The following TJP1 variants were observed in gnomAD, a reference collection of about 807,000 sequenced individuals.
TJP1 encodes the protein tight junction protein 1, also known as tight junction protein ZO-1.
In TJP1, 43 loss-of-function variants were observed where a neutral mutation model predicts 194.2. The observed-to-expected ratio is 0.22, with a 90% CI of 0.17 to 0.29. The LOEUF is 0.29. Among genes scored for constraint, TJP1 ranks in the 10% least tolerant of loss-of-function variants. The pLI, the probability that TJP1 is intolerant of heterozygous loss-of-function variation, is 1.00. For synonymous variants in TJP1, 801 were observed against 779.0 expected (o/e 1.03, Z -0.47); for missense variants, 1,971 against 2,185.7 (o/e 0.90, Z 1.96).
chr15:29,964,418 A>AG (rs2056264322), intron 1 of TJP1, among the ~76,000 whole-genome samples: 1 of 151,578 alleles, frequency 6.6e-6, no homozygotes. Flanking sequence ...CTTTTAAAAA[A>AG]AGAGAGACAG....
chr15:29,858,445 T>C (rs1230315835), intron 2 of TJP1, among the ~76,000 whole-genome samples: 2 of 152,182 alleles, frequency 1.3e-5, no homozygotes, highest in African/African-American at 4.8e-5. Flanking sequence ...GTATAAATAT[T>C]AATCCAATGA....
At chr15:29,880,668 A>T (rs1011406613) in intron 2 of TJP1, among the ~76,000 whole-genome samples, 1 of 152,226 alleles carries the variant, frequency 6.6e-6, no homozygotes, top group Admixed American at 6.5e-5. Context: ...ATATTTATAG[A>T]TATCTCAAAT....
intron 1 of TJP1, among the ~76,000 whole-genome samples, chr15:29,815,644 T>C (rs894878955): frequency 8.5e-5 from 13 of 152,210 alleles, no homozygotes; most frequent in Admixed American, 2.6e-4. Flanking sequence ...GCTGGACTCA[T>C]GGTCTTTCAG....
chr15:29,872,609 T>C (rs1240996903), intron 2 of TJP1, among the ~76,000 whole-genome samples: 1 of 150,706 alleles, frequency 6.6e-6, no homozygotes, highest in East Asian at 2.0e-4. Flanking sequence ...TCCTCAATGG[T>C]GGTGAAGTTC....
chr15:29,798,300 T>C (rs1264903002), intron 2 of TJP1, among the ~76,000 whole-genome samples: 2 of 151,238 alleles, frequency 1.3e-5, no homozygotes, highest in South Asian at 2.1e-4. Context: ...TCTTTCTAAA[T>C]CTGACAATAC....
Position 29,899,240 on chromosome 15 carries a change from A to T in TJP1, c.306+56992T>A, listed in dbSNP as rs140914570. On this transcript the variant is annotated intron_variant, in intron 2 of 28. Coordinates refer to the TJP1 transcript ENST00000356107. ...TGTTAGGTAAAAGTGGACCCCCACTAGCATGAAGAAATAATCGTCTCTTCT... is the reference window on the plus strand; with the variant it reads ...TGTTAGGTAAAAGTGGACCCCCACTTGCATGAAGAAATAATCGTCTCTTCT... Among the ~76,000 whole-genome samples, 175 of 152,356 alleles carry T rather than the reference A, an allele frequency of 1.1e-3. 1 individual carries two copies. The East Asian group carries it at 0.027, about 24-fold the overall frequency.
chr15:29,729,097 T>C (rs1409328487), intron 15 of TJP1: 1 of 152,256 alleles, frequency 6.6e-6, no homozygotes. Context: ...AGTTTGGTTA[T>C]GGGTAAGGGT....
intron 2 of TJP1, among the ~76,000 whole-genome samples, chr15:29,775,832 G>C (rs975477260): frequency 2.6e-5 from 4 of 151,946 alleles, no homozygotes; most frequent in African/African-American, 9.7e-5. Flanking sequence ...GGCCAAAATT[G>C]ACCCTATTAT....
chr15:29,828,735 C>CTT (rs60018975), intron 2 of TJP1, among the ~76,000 whole-genome samples: 75 of 133,344 alleles, frequency 5.6e-4, no homozygotes, highest in East Asian at 1.3e-3. Context: ...TGAATTGAGT[C>CTT]TTTTTTTTTT....
chr15:29,779,343 A>C (rs1276936711), intron 2 of TJP1, among the ~76,000 whole-genome samples: 2 of 152,022 alleles, frequency 1.3e-5, no homozygotes, highest in Non-Finnish European at 2.9e-5. Context: ...GCAGATCCTA[A>C]CTAACTCACT....
At chr15:29,802,004 G>A (rs193160938) in intron 1 of TJP1, among the ~76,000 whole-genome samples, 11 of 152,276 alleles carry the variant, frequency 7.2e-5, no homozygotes, top group Admixed American at 3.9e-4. Context: ...TAAGGAATTA[G>A]CAGTAAGGAA....
chr15:29,780,295 A>G (rs997875740), intron 2 of TJP1, among the ~76,000 whole-genome samples: 2 of 152,042 alleles, frequency 1.3e-5, no homozygotes, highest in African/African-American at 4.8e-5. Flanking sequence ...AGATGGTCCC[A>G]TCTGGGGGTG....
intron 1 of TJP1, among the ~76,000 whole-genome samples, chr15:29,803,667 T>A (rs1442062181): frequency 1.3e-5 from 2 of 152,148 alleles, no homozygotes; most frequent in Non-Finnish European, 2.9e-5. Context: ...ATAAAAAATG[T>A]TTATTCTCCT....
chr15:29,770,188 T>C (rs1378819910), intron 4 of TJP1, among the ~76,000 whole-genome samples: 1 of 152,182 alleles, frequency 6.6e-6, no homozygotes, highest in Non-Finnish European at 1.5e-5. Context: ...GCCTCCTACC[T>C]GTAATCCCAG....
intron 1 of TJP1, among the ~76,000 whole-genome samples, chr15:29,966,873 G>A (rs112932578): frequency 0.037 from 5,676 of 152,152 alleles, 148 homozygotes; most frequent in Middle Eastern, 0.082. Flanking sequence ...TCTGAGAAGC[G>A]ATCTTCAAAT....
intron 2 of TJP1, among the ~76,000 whole-genome samples, chr15:29,845,511 A>C (rs1381356630): frequency 2.6e-5 from 4 of 152,196 alleles, no homozygotes; most frequent in African/African-American, 9.7e-5. Context: ...CAATTTACAA[A>C]ATAAATTGTA....
At chr15:29,758,250 C>T (rs943056557) in intron 8 of TJP1, among the ~76,000 whole-genome samples, 1 of 151,944 alleles carries the variant, frequency 6.6e-6, no homozygotes, top group African/African-American at 2.4e-5. Context: ...TTTGGTCCCC[C>T]CTAAACCCCA....
Position 29,708,932 on chromosome 15 carries a change from T to C in TJP1, c.4477A>G (p.Thr1493Ala). 6.2e-7 allele frequency: 1 copy of C among 1,614,216 alleles called. No individual in the cohort carries two copies. Among genetic ancestry groups the C allele is most frequent in the Non-Finnish European group, 8.5e-7 (1 of 1,180,036 alleles). Reference sequence around the variant, plus strand: ...TGGGGATAGAAAGCTGCCTGAGCAGTATCTTCTCGGTTTGGTGGTCTGAAA... The same window carrying C: ...TGGGGATAGAAAGCTGCCTGAGCAGCATCTTCTCGGTTTGGTGGTCTGAAA... Reference protein sequence around the residue: ...ATFRPPNREDTAQAAFYPQKS... With the variant: ...ATFRPPNREDAAQAAFYPQKS... The change falls in exon 25 of 28, where the codon ACT becomes GCT. Residue 1493 changes from threonine to alanine, a missense_variant. Physicochemically the swap from Thr to Ala is moderately conservative, Grantham distance 58 (BLOSUM62 0). This residue lies in a region of TJP1 where 1,108 missense variants were observed against 1,128.5 expected (regional missense o/e 0.98). Transcript: ENST00000614355.
In TJP1 at chr15:29,929,091, TAAAGAA is replaced by T. The variant is rs1383602837; in HGVS notation, c.306+27135_306+27140del. 2.6e-5 allele frequency among the ~76,000 whole-genome samples: 4 copies of T among 151,896 alleles called. No homozygotes were observed. In the East Asian group the frequency reaches 7.7e-4, roughly 29 times the overall value. ...CCATTATTTTCAACTCCACAGTCAT[TAAAGAA>T]AAAGAAAAAATGCAAATTTCAACAA... On this transcript the variant is annotated intron_variant, in intron 2 of 28. Coordinates refer to the TJP1 transcript ENST00000356107.
Sources: allele counts gnomAD v4.1 joint callset (sites outside exome capture counted in the v4.1 genomes callset), GRCh38; gene constraint gnomAD v4.1.1; regional missense constraint gnomAD v4.1.1; transcripts MANE v1.5; gene names NCBI Gene and HGNC (gene_info 2026-07-23, HGNC 2026-07-21).